INPP4B: variants seen among roughly 807,000 people sequenced by gnomAD.
INPP4B encodes inositol polyphosphate 4-phosphatase type II.
A neutral mutation model predicts 122.5 loss-of-function variants in INPP4B; 55 were observed. The ratio of observed to expected loss-of-function variants is 0.45; its 90% confidence interval spans 0.36 to 0.56. INPP4B has a LOEUF of 0.56. Among genes scored for constraint, INPP4B ranks in the 20% least tolerant of loss-of-function variants. The pLI is 0.00. For synonymous variants in INPP4B, 403 were observed against 388.7 expected, an observed-to-expected ratio of 1.04 and a Z score of -0.43; for missense variants, 1,000 against 1,097.7, an observed-to-expected ratio of 0.91 and a Z score of 1.26.
intron 4 of INPP4B, among the ~76,000 whole-genome samples, chr4:142,430,349 G>A (rs1000586177): frequency 6.6e-6 from 1 of 151,904 alleles, no homozygotes; most frequent in Non-Finnish European, 1.5e-5. Flanking sequence ...AAGGTCATTA[G>A]CAATTAACTC....
At chr4:142,165,685 C>T (rs1017309103) in intron 16 of INPP4B, among the ~76,000 whole-genome samples, 2 of 151,660 alleles carry the variant, frequency 1.3e-5, no homozygotes, top group Non-Finnish European at 3.0e-5. Context: ...CTAATCCTTC[C>T]TCATTCAACA....
chr4:142,224,518 C>A (rs905423141), intron 12 of INPP4B, among the ~76,000 whole-genome samples: 3 of 151,976 alleles, frequency 2.0e-5, no homozygotes, highest in African/African-American at 7.2e-5. Context: ...CTTAGAAAAC[C>A]AATTCTACAT....
chr4:142,547,200 A>G (rs748981206), intron 2 of INPP4B, among the ~76,000 whole-genome samples: 8 of 151,624 alleles, frequency 5.3e-5, no homozygotes, highest in Non-Finnish European at 1.2e-4. Context: ...AGACAATTAC[A>G]TCCTACAAAT....
chr4:142,765,560 C>T (rs1215768738), intron 1 of INPP4B, among the ~76,000 whole-genome samples: 1 of 152,146 alleles, frequency 6.6e-6, no homozygotes, highest in Non-Finnish European at 1.5e-5. Flanking sequence ...CACTCTCCTC[C>T]AAACAATCAT....
chr4:142,249,290 C>T (rs1730722885), intron 11 of INPP4B, among the ~76,000 whole-genome samples: 1 of 151,992 alleles, frequency 6.6e-6, no homozygotes, highest in Non-Finnish European at 1.5e-5. Context: ...CTCACAGGGT[C>T]TACTAGCTTC....
intron 1 of INPP4B, among the ~76,000 whole-genome samples, chr4:142,778,723 T>A (rs1345269041): frequency 6.6e-6 from 1 of 152,168 alleles, no homozygotes; most frequent in Admixed American, 6.6e-5. Context: ...GCATGCAACT[T>A]ACCACCACTA....
intron 2 of INPP4B, chr4:142,518,600 C>T (rs1231526570): frequency 2.0e-5 from 3 of 152,112 alleles, no homozygotes; most frequent in Non-Finnish European, 4.4e-5. Context: ...AGCTAACCTG[C>T]ATACCCAATA....
At chr4:142,750,992 T>A (rs1769602851) in intron 1 of INPP4B, among the ~76,000 whole-genome samples, 1 of 152,016 alleles carries the variant, frequency 6.6e-6, no homozygotes, top group Admixed American at 6.6e-5. Context: ...TAGGAATTCA[T>A]ACAGTATGCA....
In INPP4B at chr4:142,027,947, A is replaced by G. The variant is rs1737542982; in HGVS notation, c.*835T>C. The G allele has an allele frequency of 5.3e-6, 1 of 186,924 alleles. No individual in the cohort carries two copies. Among genetic ancestry groups the G allele is most frequent in the South Asian group, 1.9e-4 (1 of 5,138 alleles). The allele number at this position is 186,924 out of a possible 1,614,324, so 11.6% of individuals were successfully genotyped here. A position where few individuals can be genotyped will look rare whatever the true frequency, so the allele number is the denominator to read the frequency against. ...AACATCTCAGAGATACCTCACTGAC[A>G]TTCATGAACTTCACAACATAAAGTT... is the stretch of plus-strand genomic sequence containing the variant. On this transcript the variant is annotated 3_prime_UTR_variant, in exon 26 of 26. Transcript: ENST00000262992.
At chr4:142,843,991 T>A (rs1268355434) in intron 1 of INPP4B, among the ~76,000 whole-genome samples, 1 of 152,166 alleles carries the variant, frequency 6.6e-6, no homozygotes, top group Non-Finnish European at 1.5e-5. Flanking sequence ...TTCACACAAC[T>A]AAAATATAAT....
At chr4:142,355,146 T>C (rs1040877192) in intron 7 of INPP4B, among the ~76,000 whole-genome samples, 2 of 152,042 alleles carry the variant, frequency 1.3e-5, no homozygotes, top group African/African-American at 4.8e-5. Context: ...AAGTAAAAAC[T>C]GCAAAGCGTC....
At chr4:142,772,223 T>C (rs1054068620) in intron 1 of INPP4B, among the ~76,000 whole-genome samples, 1 of 152,160 alleles carries the variant, frequency 6.6e-6, no homozygotes, top group Non-Finnish European at 1.5e-5. Context: ...TTCACACTTA[T>C]GAGGTATCTA....
At chr4:142,138,583 T>C (rs1290431429) in intron 18 of INPP4B, among the ~76,000 whole-genome samples, 1 of 152,134 alleles carries the variant, frequency 6.6e-6, no homozygotes, top group Non-Finnish European at 1.5e-5. Flanking sequence ...CCAACAGATA[T>C]TCTGAGGATC....
intron 2 of INPP4B, among the ~76,000 whole-genome samples, chr4:142,672,279 C>A (rs964974645): frequency 1.3e-5 from 2 of 152,148 alleles, no homozygotes; most frequent in African/African-American, 4.8e-5. Flanking sequence ...GTGGGTCATA[C>A]AGTAAGTGTA....
intron 18 of INPP4B, among the ~76,000 whole-genome samples, chr4:142,140,502 G>C (rs72933301): frequency 0.037 from 5,588 of 152,246 alleles, 253 homozygotes; most frequent in African/African-American, 0.1. Flanking sequence ...TCTCTATGTA[G>C]CTCTGTTTTC....
At chr4:142,842,849 AATATATATAAATAATG>A (rs1783713636) in intron 1 of INPP4B, among the ~76,000 whole-genome samples, 1 of 136,948 alleles carries the variant, frequency 7.3e-6, no homozygotes, top group Middle Eastern at 3.4e-3. Context: ...TATATATCAA[AATATATATAAATAATG>A]ATATATATAA....
chr4:142,725,809 G>GA (rs1226131528), intron 2 of INPP4B, 30 bp downstream of exon 2: 21 of 397,618 alleles, frequency 5.3e-5, no homozygotes, highest in African/African-American at 2.1e-4. Context: ...TATACAGAAT[G>GA]AAAAAATATC....
chr4:142,747,971 C>T lies in INPP4B; in HGVS notation c.-253-22070G>A, dbSNP rs773519097. Among the ~76,000 whole-genome samples, 29 of 151,786 alleles carry T rather than the reference C, an allele frequency of 1.9e-4. 1 individual carries two copies. The highest frequency in any genetic ancestry group is 5.1e-4 in the African/African-American group (21 of 41,310). On this transcript the variant is annotated intron_variant, in intron 1 of 25. Coordinates refer to ENST00000262992, the MANE Select transcript of INPP4B (RefSeq NM_001101669.3). ...AACCACCATGGCACGTGTATACCTA[C>T]GTAACAAACCTGCACATTCTGCACA...
intron 2 of INPP4B, among the ~76,000 whole-genome samples, chr4:142,664,701 T>TA (rs1755725421): frequency 6.6e-6 from 1 of 152,054 alleles, no homozygotes; most frequent in Non-Finnish European, 1.5e-5. Flanking sequence ...TTTCAATTAA[T>TA]AAAATATAAA....
Sources: gnomAD v4.1 joint callset for allele counts (sites outside exome capture counted in the v4.1 genomes callset) on GRCh38, gnomAD v4.1.1 for gene constraint, MANE v1.5 for transcripts, NCBI Gene and HGNC (gene_info 2026-07-23, HGNC 2026-07-21) for gene names.